The following TBC1D14 variants were observed in gnomAD, a reference collection of about 807,000 sequenced individuals.
The protein encoded by TBC1D14 is TBC1 domain family, member 14.
Under a neutral mutation model 79.0 loss-of-function variants are expected in TBC1D14, and 26 were observed. That is an observed-to-expected ratio of 0.33 (90% CI 0.24 to 0.46). TBC1D14 has a LOEUF of 0.46. Among genes scored for constraint, TBC1D14 ranks in the 20% least tolerant of loss-of-function variants. The probability of loss-of-function intolerance (pLI) is 1.00; values close to 1 mark genes in which losing one functional copy is unlikely to be tolerated. For missense variants in TBC1D14, 769 were observed against 887.6 expected (o/e 0.87, Z 1.70); for synonymous variants, 394 against 349.9 (o/e 1.13, Z -1.40).
intron 3 of TBC1D14, among the ~76,000 whole-genome samples, chr4:6,985,241 T>C (rs997748770): frequency 6.6e-6 from 1 of 152,230 alleles, no homozygotes; most frequent in African/African-American, 2.4e-5. Context: ...GGGAATTCCA[T>C]AGTAGCATCT....
chr4:6,994,424 T>G (rs1718803745), intron 4 of TBC1D14, 122 bp downstream of exon 4: 1 of 825,834 alleles, frequency 1.2e-6, no homozygotes, highest in Non-Finnish European at 2.0e-6. Context: ...CCAGAATCAC[T>G]TCTTATTCTC....
chr4:6,982,067 T>C (rs1211702079), intron 3 of TBC1D14, among the ~76,000 whole-genome samples: 2 of 152,196 alleles, frequency 1.3e-5, no homozygotes, highest in African/African-American at 4.8e-5. Context: ...GGAAAACCAG[T>C]TGGGAGGTTT....
At chr4:7,015,796 G>T (rs1043356994) in intron 12 of TBC1D14, among the ~76,000 whole-genome samples, 1 of 152,198 alleles carries the variant, frequency 6.6e-6, no homozygotes, top group Non-Finnish European at 1.5e-5. Flanking sequence ...TGAGCTCCCA[G>T]TTCCTTATCT....
intron 13 of TBC1D14, among the ~76,000 whole-genome samples, chr4:7,028,189 T>C (rs1722661582): frequency 1.3e-5 from 2 of 151,956 alleles, no homozygotes; most frequent in South Asian, 2.1e-4. Context: ...CACACCCACG[T>C]ACAGGTGCAG....
At chr4:6,949,750 G>T (rs961374511) in intron 2 of TBC1D14, among the ~76,000 whole-genome samples, 1 of 149,376 alleles carries the variant, frequency 6.7e-6, no homozygotes, top group African/African-American at 2.5e-5. Context: ...ACATTTCGTA[G>T]TTTTGTTTTT....
At chr4:6,930,275 T>A (rs1380739311) in intron 2 of TBC1D14, among the ~76,000 whole-genome samples, 1 of 152,166 alleles carries the variant, frequency 6.6e-6, no homozygotes. Context: ...TGCCTTTTCC[T>A]CCTCCAGTTA....
intron 12 of TBC1D14, among the ~76,000 whole-genome samples, chr4:7,018,900 A>G (rs866002313): frequency 1.1e-4 from 17 of 152,250 alleles, no homozygotes; most frequent in African/African-American, 4.1e-4. Context: ...AGTGAGCTTT[A>G]TAATAAATAA....
chr4:6,941,666 G>A (rs1338154628), intron 2 of TBC1D14, among the ~76,000 whole-genome samples: 1 of 152,168 alleles, frequency 6.6e-6, no homozygotes, highest in Non-Finnish European at 1.5e-5. Context: ...CCACAGACAA[G>A]GCAGTGTTTC....
intron 3 of TBC1D14, among the ~76,000 whole-genome samples, chr4:6,977,075 C>CCCTCCTATCCCTCTCCCT (rs148225983): frequency 1.7e-4 from 1 of 5,954 alleles, no homozygotes; most frequent in African/African-American, 2.5e-4. Context: ...CTCTCCCTCT[C>CCCTCCTATCCCTCTCCCT]CCTCTCCCTC....
intron 7 of TBC1D14, among the ~76,000 whole-genome samples, chr4:7,002,886 A>G (rs1719812827): frequency 6.6e-6 from 1 of 152,036 alleles, no homozygotes; most frequent in African/African-American, 2.4e-5. Flanking sequence ...TGCGACCTTG[A>G]CCTCATTTTC....
At chr4:6,918,156 G>A (rs750912059) in intron 1 of TBC1D14, among the ~76,000 whole-genome samples, 1 of 152,190 alleles carries the variant, frequency 6.6e-6, no homozygotes, top group Non-Finnish European at 1.5e-5. Context: ...AAAGCCAGAT[G>A]GCTTTGGGCT....
chr4:7,019,870 T>G (rs1338003755), intron 12 of TBC1D14, among the ~76,000 whole-genome samples: 6 of 46,024 alleles, frequency 1.3e-4, no homozygotes, highest in African/African-American at 2.8e-4. Flanking sequence ...TGGGCTCAGG[T>G]CAGGGAGGAC....
At chr4:6,921,601 C>T (rs958321816) in intron 1 of TBC1D14, among the ~76,000 whole-genome samples, 1 of 151,976 alleles carries the variant, frequency 6.6e-6, no homozygotes, top group Non-Finnish European at 1.5e-5. Context: ...TCTTGGCCCA[C>T]TGCAACCTCC....
chr4:6,971,363 A>G (rs550458129), intron 3 of TBC1D14, among the ~76,000 whole-genome samples: 4 of 152,324 alleles, frequency 2.6e-5, no homozygotes, highest in East Asian at 3.9e-4. Flanking sequence ...CTTTTAATCA[A>G]TAGGTCCGAT....
At chr4:6,990,559 G>A (rs1248107023) in intron 3 of TBC1D14, among the ~76,000 whole-genome samples, 2 of 152,198 alleles carry the variant, frequency 1.3e-5, no homozygotes, top group East Asian at 3.8e-4. Context: ...CAGCAAGACG[G>A]GCATCGATGC....
At chr4:6,974,836 T>A (rs767708996) in intron 3 of TBC1D14, among the ~76,000 whole-genome samples, 44 of 151,428 alleles carry the variant, frequency 2.9e-4, no homozygotes, top group African/African-American at 8.4e-4. Context: ...AAAAAAAAAA[T>A]TTCCTCTGAA....
intron 2 of TBC1D14, among the ~76,000 whole-genome samples, chr4:6,946,385 T>G (rs1216424890): frequency 1.3e-5 from 2 of 152,120 alleles, no homozygotes; most frequent in Non-Finnish European, 2.9e-5. Flanking sequence ...CAGGCTGGAG[T>G]GCAATGGTGC....
At chr4:7,015,268 A>G (rs1313365543) in intron 12 of TBC1D14, among the ~76,000 whole-genome samples, 1 of 152,114 alleles carries the variant, frequency 6.6e-6, no homozygotes, top group Non-Finnish European at 1.5e-5. Flanking sequence ...CTGGGAACAG[A>G]GAGACCAATT....
At chr4:6,914,834 T>C (rs752540297) in intron 1 of TBC1D14, among the ~76,000 whole-genome samples, 2 of 151,676 alleles carry the variant, frequency 1.3e-5, no homozygotes, top group Admixed American at 6.6e-5. Flanking sequence ...AGGTCAGGAG[T>C]TTGAGACTAG....
Sources: gnomAD v4.1 joint callset for allele counts (sites outside exome capture counted in the v4.1 genomes callset) on GRCh38, gnomAD v4.1.1 for gene constraint, MANE v1.5 for transcripts, NCBI Gene and HGNC (gene_info 2026-07-23, HGNC 2026-07-21) for gene names.